Variants in CDC42BPB observed in about 807,000 individuals in gnomAD.
CDC42BPB encodes the protein CDC42 binding protein kinase beta.
In CDC42BPB, 37 loss-of-function variants were observed where a neutral mutation model predicts 214.9. That is an observed-to-expected ratio of 0.17 (90% CI 0.13 to 0.23). The LOEUF is 0.23. Among genes scored for constraint, CDC42BPB ranks in the 10% least tolerant of loss-of-function variants. The pLI, the probability that CDC42BPB is intolerant of heterozygous loss-of-function variation, is 1.00. For synonymous variants in CDC42BPB, 931 were observed against 884.0 expected, an observed-to-expected ratio of 1.05 and a Z score of -0.94; for missense variants, 1,694 against 2,227.0, an observed-to-expected ratio of 0.76 and a Z score of 4.82.
chr14:103,038,673 A>G (rs192424064), intron 1 of CDC42BPB, among the ~76,000 whole-genome samples: 1 of 127,358 alleles, frequency 7.9e-6, no homozygotes, highest in Non-Finnish European at 1.6e-5. Context: ...ACTACAGGTG[A>G]GCACCACCAT....
chr14:103,030,305 C>A (rs1190603278), intron 1 of CDC42BPB, among the ~76,000 whole-genome samples: 1 of 152,210 alleles, frequency 6.6e-6, no homozygotes, highest in African/African-American at 2.4e-5. Flanking sequence ...GAATCTGGTT[C>A]TTTTAAAAAA....
intron 16 of CDC42BPB, 76 bp downstream of exon 16, chr14:102,968,177 C>G: frequency 2.9e-6 from 3 of 1,043,800 alleles, no homozygotes; most frequent in Non-Finnish European, 4.4e-6. Flanking sequence ...TATGTACCCA[C>G]ACAAATTAAA....
chr14:103,015,883 ATTTT>A (rs1231998343), intron 1 of CDC42BPB, among the ~76,000 whole-genome samples: 1 of 139,466 alleles, frequency 7.2e-6, no homozygotes. Context: ...TAATTTTTGT[ATTTT>A]TTTTTTTTTT....
Position 103,001,525 on chromosome 14 carries a change from C to G in CDC42BPB, c.448-1812G>C, listed in dbSNP as rs552426564. ...GGAAAGTGGCAGCGGCACCCTGGAG[C>G]CTGCCAAAAGGGGAGGGCCGGCCAC... On this transcript the variant is annotated intron_variant, in intron 4 of 36. Transcript: ENST00000361246. This position sits in a 1 kb window ranked among gnomAD's most constrained non-coding sequence, Gnocchi z 5.8. Among the ~76,000 whole-genome samples the G allele has an allele frequency of 6.6e-6, 1 of 152,300 alleles. No homozygotes were observed. Among genetic ancestry groups the G allele is most frequent in the Non-Finnish European group, 1.5e-5 (1 of 68,012 alleles).
rs748732527 is a variant in CDC42BPB, at chr14:102,946,548, T to C, written c.3668A>G (p.Asn1223Ser). ...QSILHKNRLR[N>S]QVVHVPLEAY... ...TTCCAAGGGAACATGCACGACCTGA[T>C]TCCTCAGCCGGTTTTTATGAAGGAT... Residue 1223 changes from asparagine to serine, a missense_variant, in exon 28 of 37, where the codon AAT becomes AGT. Asn to Ser is a conservative substitution (Grantham distance 46, BLOSUM62 1). Transcript: ENST00000361246. The C allele has an allele frequency of 2.5e-6, 4 of 1,612,754 alleles. No individual in the cohort carries two copies. The highest frequency in any genetic ancestry group is 3.4e-6 in the Non-Finnish European group (4 of 1,179,942).
chr14:102,972,462 G>A (rs1280095365), intron 12 of CDC42BPB: 2 of 276,196 alleles, frequency 7.2e-6, no homozygotes, highest in Admixed American at 6.5e-5. Flanking sequence ...CAAGGTGGGC[G>A]GGTCACCTGA....
At chr14:103,000,110 A>T (rs1175252718) in intron 4 of CDC42BPB, among the ~76,000 whole-genome samples, 1 of 152,246 alleles carries the variant, frequency 6.6e-6, no homozygotes. Flanking sequence ...AGACCAGAGA[A>T]GGGAGGCAAA....
At chr14:102,996,765 C>T (rs9806109) in intron 5 of CDC42BPB, among the ~76,000 whole-genome samples, 63,083 of 148,764 alleles carry the variant, frequency 0.42, 14,174 homozygotes, top group African/African-American at 0.55. Flanking sequence ...TGAGCTGAGA[C>T]CGCTCCATTG....
chr14:103,003,427 C>T (rs1007169550), intron 4 of CDC42BPB, among the ~76,000 whole-genome samples: 2 of 152,198 alleles, frequency 1.3e-5, no homozygotes, highest in Non-Finnish European at 2.9e-5. Context: ...AAAGCAAGCC[C>T]TGTTTAAATC....
chr14:102,986,443 C>A, intron 6 of CDC42BPB, 44 bp downstream of exon 6: 1 of 1,471,882 alleles, frequency 6.8e-7, no homozygotes, highest in Non-Finnish European at 9.5e-7. Flanking sequence ...TGACTATATG[C>A]CAAACCCAAA....
intron 17 of CDC42BPB, 88 bp downstream of exon 17, chr14:102,966,955 TGGA>T: frequency 6.9e-7 from 1 of 1,452,718 alleles, no homozygotes; most frequent in Non-Finnish European, 9.4e-7. Flanking sequence ...CGGCCTGGCG[TGGA>T]GCACAGGATC....
Position 102,945,956 on chromosome 14 carries a change from C to T in CDC42BPB, c.3749-232G>A, listed in dbSNP as rs1047169504. Among the ~76,000 whole-genome samples the T allele has an allele frequency of 1.3e-4, 20 of 152,294 alleles. No homozygotes were observed. In the East Asian group the frequency reaches 3.5e-3, roughly 26 times the overall value. On this transcript the variant is annotated intron_variant, in intron 28 of 36. Transcript: ENST00000361246. ...TGCAAGGATTTGGGTGTGTGTGGGG[C>T]TCCTGGAGCTGACCCTCAGGCTTAG... is the stretch of plus-strand genomic sequence containing the variant.
chr14:103,044,981 CT>C (rs1888210956), intron 1 of CDC42BPB, among the ~76,000 whole-genome samples: 1 of 151,136 alleles, frequency 6.6e-6, no homozygotes, highest in African/African-American at 2.4e-5. Context: ...AAGAGGATCC[CT>C]TGAGCTCTGG....
At chr14:102,966,972 C>A in intron 17 of CDC42BPB, 74 bp downstream of exon 17, 1 of 1,541,810 alleles carries the variant, frequency 6.5e-7, no homozygotes, top group South Asian at 1.2e-5. Context: ...CAGGATCAGG[C>A]AGAAGAGGCG....
chr14:103,041,171 G>A lies in CDC42BPB; in HGVS notation c.175+15828C>T, dbSNP rs190973050. On this transcript the variant is annotated intron_variant, in intron 1 of 36. Coordinates refer to ENST00000361246, the MANE Select transcript of CDC42BPB (RefSeq NM_006035.4). Reference sequence around the variant, plus strand: ...GACAAGGATTCTAAGACCATTCAACGGGGGAAAGAATATAGTCTGTTCGAC... The same window carrying A: ...GACAAGGATTCTAAGACCATTCAACAGGGGAAAGAATATAGTCTGTTCGAC... Among the ~76,000 whole-genome samples the A allele has an allele frequency of 1.2e-4, 18 of 152,258 alleles. No homozygotes were observed. The South Asian group carries it at 1.7e-3, about 14-fold the overall frequency.
At chr14:103,038,715 C>CGGGGGG (rs34311134) in intron 1 of CDC42BPB, among the ~76,000 whole-genome samples, 1 of 29,122 alleles carries the variant, frequency 3.4e-5, no homozygotes, top group African/African-American at 1.1e-4. Context: ...TTTGTAGAGA[C>CGGGGGG]GGGGGGGGGG....
At chr14:102,940,184 G>A (rs372654531) in intron 31 of CDC42BPB, 43 bp downstream of exon 31, 165 of 1,612,994 alleles carry the variant, frequency 1.0e-4, no homozygotes, top group Admixed American at 2.7e-4. Flanking sequence ...AGACTGCACC[G>A]GGAGAAGCCC....
intron 5 of CDC42BPB, among the ~76,000 whole-genome samples, chr14:102,994,519 C>T (rs546737797): frequency 2.6e-5 from 4 of 152,322 alleles, no homozygotes; most frequent in South Asian, 2.1e-4. Flanking sequence ...AGAGAGCTGA[C>T]GGTCCCCATG....
intron 5 of CDC42BPB, among the ~76,000 whole-genome samples, chr14:102,995,177 CTCT>C (rs1442842522): frequency 6.6e-6 from 1 of 150,678 alleles, no homozygotes; most frequent in Non-Finnish European, 1.5e-5. Flanking sequence ...CTCTCTCTCT[CTCT>C]TTTTTTTTTT....
Sources: allele counts gnomAD v4.1 joint callset (sites outside exome capture counted in the v4.1 genomes callset), GRCh38; gene constraint gnomAD v4.1.1; non-coding constraint Gnocchi (gnomAD v3.1); transcripts MANE v1.5; gene names NCBI Gene and HGNC (gene_info 2026-07-23, HGNC 2026-07-21).